CCBE1: variants seen among roughly 807,000 people sequenced by gnomAD.
The protein encoded by CCBE1 is collagen and calcium-binding EGF domain-containing protein 1.
In CCBE1, 37 loss-of-function variants were observed where a neutral mutation model predicts 50.0. That is an observed-to-expected ratio of 0.74 (90% CI 0.57 to 0.97). The LOEUF (loss-of-function observed/expected upper bound fraction) is 0.97, where lower values mean the gene tolerates loss of function less well. Among genes scored for constraint, CCBE1 ranks in the 50% least tolerant of loss-of-function variants. The pLI is 0.00. For synonymous variants in CCBE1, 234 were observed against 203.7 expected, an observed-to-expected ratio of 1.15 and a Z score of -1.27; for missense variants, 538 against 523.8, an observed-to-expected ratio of 1.03 and a Z score of -0.26.
At chr18:59,653,955 G>C (rs990476220) in intron 2 of CCBE1, among the ~76,000 whole-genome samples, 1 of 152,150 alleles carries the variant, frequency 6.6e-6, no homozygotes, top group African/African-American at 2.4e-5. Flanking sequence ...TAAAACTACT[G>C]ATGCTAGAGA....
intron 2 of CCBE1, among the ~76,000 whole-genome samples, chr18:59,505,067 T>C (rs1913806847): frequency 6.6e-6 from 1 of 152,192 alleles, no homozygotes. Flanking sequence ...GTGAGGGAGT[T>C]AGACTACTTG....
intron 2 of CCBE1, among the ~76,000 whole-genome samples, chr18:59,544,382 C>T (rs1449273388): frequency 6.6e-6 from 1 of 152,200 alleles, no homozygotes; most frequent in Non-Finnish European, 1.5e-5. Flanking sequence ...TTAACCCTCA[C>T]CATTATGAAA....
At chr18:59,619,288 C>A (rs1048403157) in intron 2 of CCBE1, among the ~76,000 whole-genome samples, 1 of 152,052 alleles carries the variant, frequency 6.6e-6, no homozygotes, top group Non-Finnish European at 1.5e-5. Context: ...AATTGAAAGC[C>A]AGGTGTATTT....
chr18:59,676,490 T>C (rs1190677044), intron 2 of CCBE1, among the ~76,000 whole-genome samples: 2 of 152,234 alleles, frequency 1.3e-5, no homozygotes, highest in Non-Finnish European at 2.9e-5. Context: ...AACTGCCTTA[T>C]ATATGGAATA....
chr18:59,553,955 A>G (rs992701894), intron 2 of CCBE1, among the ~76,000 whole-genome samples: 2 of 152,224 alleles, frequency 1.3e-5, no homozygotes, highest in African/African-American at 4.8e-5. Flanking sequence ...TAACATCTGG[A>G]AGACAGGTCT....
In CCBE1 at chr18:59,613,735, T is replaced by C. The variant is rs189639625; in HGVS notation, c.212+82894A>G. ...GCAACATAGTGAGACCCCATCTTTATTAAAAAAAAAAATTAGAAGATATCA... is the reference window on the plus strand; with the variant it reads ...GCAACATAGTGAGACCCCATCTTTACTAAAAAAAAAAATTAGAAGATATCA... On this transcript the variant is annotated intron_variant, in intron 2 of 10. Transcript: ENST00000439986. Among the ~76,000 whole-genome samples the C allele has an allele frequency of 6.7e-3, 1,018 of 150,928 alleles. 8 individuals are homozygous for C. The highest frequency in any genetic ancestry group is 9.2e-3 in the Non-Finnish European group (624 of 67,902).
intron 2 of CCBE1, among the ~76,000 whole-genome samples, chr18:59,485,099 C>A (rs1053731116): frequency 1.3e-5 from 2 of 152,166 alleles, no homozygotes; most frequent in Non-Finnish European, 2.9e-5. Flanking sequence ...TCTTAATACC[C>A]TTCACGTGTT....
At chr18:59,602,057 C>T (rs186204676) in intron 2 of CCBE1, among the ~76,000 whole-genome samples, 1 of 151,492 alleles carries the variant, frequency 6.6e-6, no homozygotes, top group East Asian at 1.9e-4. Context: ...AAAGATCCAC[C>T]TCAATTCAAG....
In CCBE1 at chr18:59,479,725, C is replaced by T. The variant is rs1458273130; in HGVS notation, c.265+461G>A. ...AACTTGAATGCATACAACTTGAGGG[C>T]TGGGTCCCCGCCTTACTTTGCTCTG... On this transcript the variant is annotated intron_variant, in intron 3 of 10. Coordinates refer to ENST00000439986, the MANE Select transcript of CCBE1 (RefSeq NM_133459.4). Among the ~76,000 whole-genome samples the T allele has an allele frequency of 2.6e-5, 4 of 152,192 alleles. No individual in the cohort carries two copies. The East Asian group carries it at 7.7e-4, about 29-fold the overall frequency.
chr18:59,438,648 G>A (rs1910268671), intron 9 of CCBE1, among the ~76,000 whole-genome samples: 1 of 152,208 alleles, frequency 6.6e-6, no homozygotes. Context: ...ATTTACAGGG[G>A]TCACTTTTCC....
chr18:59,642,948 CAAAAA>C (rs10683687), intron 2 of CCBE1, among the ~76,000 whole-genome samples: 336 of 94,168 alleles, frequency 3.6e-3, no homozygotes, highest in African/African-American at 0.012. Context: ...GACTCCACCT[CAAAAA>C]AAAAAAAAAA....
intron 2 of CCBE1, among the ~76,000 whole-genome samples, chr18:59,576,626 C>T (rs942498929): frequency 6.6e-6 from 1 of 152,162 alleles, no homozygotes; most frequent in African/African-American, 2.4e-5. Context: ...GCTTTTGCTG[C>T]CTCCCCTACA....
Position 59,435,655 on chromosome 18 carries a change from A to G in CCBE1, c.*253T>C. 1 of 541,672 alleles carries G rather than the reference A, an allele frequency of 1.8e-6. No homozygotes were observed. 33.6% of individuals were successfully genotyped at this position (541,672 alleles called of 1,614,324 possible). The stretch of plus-strand genomic sequence containing the variant: ...AAATAGGATGTAAAAGAAAAGTTAC[A>G]ATGCAAACCACCCCAATGGACTCTT... On this transcript the variant is annotated 3_prime_UTR_variant, in exon 11 of 11. Coordinates refer to ENST00000439986, the MANE Select transcript of CCBE1 (RefSeq NM_133459.4).
intron 2 of CCBE1, among the ~76,000 whole-genome samples, chr18:59,573,574 T>G (rs1469353299): frequency 6.6e-6 from 1 of 151,900 alleles, no homozygotes; most frequent in East Asian, 1.9e-4. Context: ...TCCCCAACCC[T>G]AATTTTTAAC....
chr18:59,469,478 C>A lies in CCBE1; in HGVS notation c.395G>T (p.Cys132Phe). 1 of 1,614,214 alleles carries A rather than the reference C, an allele frequency of 6.2e-7. No individual in the cohort carries two copies. Among genetic ancestry groups the A allele is most frequent in the Non-Finnish European group, 8.5e-7 (1 of 1,180,032 alleles). The change falls in exon 4 of 11, where the codon TGT becomes TTT. Residue 132 changes from cysteine (C) to phenylalanine (F), a missense_variant. Cys to Phe is a radical substitution (Grantham distance 205). Transcript: ENST00000439986. ...ERHRKREKPY[C>F]LDIDECASSN... is the part of the protein sequence containing the mutation. ...CAAGCACATTCCCAACACACCCAGA[C>A]AGTATGGCTTCTCCCGCTTCCGGTG...
At chr18:59,556,797 T>A (rs2052663499) in intron 2 of CCBE1, among the ~76,000 whole-genome samples, 1 of 152,228 alleles carries the variant, frequency 6.6e-6, no homozygotes, top group Non-Finnish European at 1.5e-5. Context: ...TCCGTACAAG[T>A]CAATTTTATG....
At chr18:59,437,895 A>T (rs1008367820) in intron 10 of CCBE1, among the ~76,000 whole-genome samples, 6 of 152,260 alleles carry the variant, frequency 3.9e-5, no homozygotes, top group Admixed American at 6.5e-5. Context: ...CCATGATAAA[A>T]GAGAAAACAG....
intron 2 of CCBE1, among the ~76,000 whole-genome samples, chr18:59,559,826 C>T (rs992291528): frequency 6.6e-6 from 1 of 152,220 alleles, no homozygotes; most frequent in African/African-American, 2.4e-5. Flanking sequence ...ATGTCTCTCC[C>T]ATGCCTGAAG....
chr18:59,650,507 T>C (rs2054112916), intron 2 of CCBE1, among the ~76,000 whole-genome samples: 1 of 151,702 alleles, frequency 6.6e-6, no homozygotes, highest in South Asian at 2.1e-4. Flanking sequence ...CTAATCCTGT[T>C]AGTGTGCGGG....
Sources: gnomAD v4.1 joint callset for allele counts (sites outside exome capture counted in the v4.1 genomes callset) on GRCh38, gnomAD v4.1.1 for gene constraint, MANE v1.5 for transcripts, NCBI Gene and HGNC (gene_info 2026-07-23, HGNC 2026-07-21) for gene names.